SAMD12: variants seen among roughly 807,000 people sequenced by gnomAD.
SAMD12 encodes sterile alpha motif domain containing 12.
SAMD12 carries 9 observed loss-of-function variants against 15.0 expected under a neutral mutation model. The ratio of observed to expected loss-of-function variants is 0.60; its 90% CI spans 0.36 to 1.05. SAMD12 has a LOEUF of 1.05. Among genes scored for constraint, SAMD12 ranks in the 50% least tolerant of loss-of-function variants. The pLI, the probability that SAMD12 is intolerant of heterozygous loss-of-function variation, is 0.01. For missense variants in SAMD12, 230 were observed against 234.2 expected (o/e 0.98, Z 0.12); for synonymous variants, 86 against 90.1 (o/e 0.96, Z 0.25).
chr8:118,464,722 C>A (rs373434387), intron 2 of SAMD12, among the ~76,000 whole-genome samples: 1 of 148,054 alleles, frequency 6.8e-6, no homozygotes, highest in African/African-American at 2.5e-5. Flanking sequence ...AAATTCAACT[C>A]TTTTTTTTTT....
chr8:118,492,816 T>C (rs1345653197), intron 2 of SAMD12, among the ~76,000 whole-genome samples: 1 of 152,196 alleles, frequency 6.6e-6, no homozygotes, highest in African/African-American at 2.4e-5. Context: ...ATAAACCATA[T>C]ATGAAAGCTA....
At chr8:118,436,375 C>T (rs574882506) in intron 3 of SAMD12, among the ~76,000 whole-genome samples, 1 of 152,282 alleles carries the variant, frequency 6.6e-6, no homozygotes, top group Admixed American at 6.5e-5. Context: ...GTTTTTATTA[C>T]ATGTCAAAGG....
At chr8:118,214,640 T>G (rs2129834002) in intron 4 of SAMD12, among the ~76,000 whole-genome samples, 1 of 152,352 alleles carries the variant, frequency 6.6e-6, no homozygotes, top group Non-Finnish European at 1.5e-5. Flanking sequence ...TGTTAGAAAC[T>G]TAGTGTTTAA....
rs1412975427 is a variant in SAMD12 at position 118,202,437 on chromosome 8, G to A, written c.434-4705C>T. Reference sequence around the variant, plus strand: ...GGCTCCTGCTCTCTCCCAGATTAGCGCAGCCCTTAACAGACAGTTCCATGA... The same window carrying A: ...GGCTCCTGCTCTCTCCCAGATTAGCACAGCCCTTAACAGACAGTTCCATGA... On this transcript the variant is annotated intron_variant, in intron 4 of 4. Transcript: ENST00000409003. Among the ~76,000 whole-genome samples the A allele has an allele frequency of 7.2e-5, 11 of 152,088 alleles. No homozygotes were observed. In the East Asian group the frequency reaches 2.1e-3, roughly 29 times the overall value.
chr8:118,157,307 T>A, the SAMD12 span, among the ~76,000 whole-genome samples: 1 of 152,080 alleles, frequency 6.6e-6, no homozygotes. Flanking sequence ...GGTAACTTAA[T>A]CTCTCCAAGC....
intron 4 of SAMD12, among the ~76,000 whole-genome samples, chr8:118,204,884 G>T (rs17507334): frequency 4.1e-4 from 63 of 152,298 alleles, no homozygotes; most frequent in African/African-American, 1.4e-3. Context: ...TCCCATTATC[G>T]TTAGTAAACT....
chr8:118,259,315 A>G (rs1478032362), intron 4 of SAMD12, among the ~76,000 whole-genome samples: 1 of 152,120 alleles, frequency 6.6e-6, no homozygotes, highest in African/African-American at 2.4e-5. Context: ...TGCTTAATGC[A>G]GTGGTTTGAC....
intron 2 of SAMD12, among the ~76,000 whole-genome samples, chr8:118,567,460 A>G (rs570723363): frequency 1.6e-4 from 25 of 152,284 alleles, no homozygotes; most frequent in Non-Finnish European, 2.5e-4. Flanking sequence ...TCAGTACAAC[A>G]TGAGAAAAGG....
chr8:118,449,523 G>A (rs1823012134), intron 2 of SAMD12, among the ~76,000 whole-genome samples: 1 of 151,260 alleles, frequency 6.6e-6, no homozygotes, highest in Non-Finnish European at 1.5e-5. Flanking sequence ...ACAAAAGTGA[G>A]AAAATAGGCC....
intron 3 of SAMD12, among the ~76,000 whole-genome samples, chr8:118,414,688 T>C (rs1000561871): frequency 6.6e-6 from 1 of 152,198 alleles, no homozygotes; most frequent in African/African-American, 2.4e-5. Context: ...ATCCCTTTCA[T>C]ATTAGTCATA....
chr8:118,178,152 C>A, the SAMD12 span, among the ~76,000 whole-genome samples: 2 of 152,196 alleles, frequency 1.3e-5, no homozygotes, highest in Non-Finnish European at 2.9e-5. Flanking sequence ...GAAAATAAAA[C>A]ACTAAATGTT....
chr8:118,619,512 A>G (rs1828338149), intron 1 of SAMD12, among the ~76,000 whole-genome samples: 1 of 151,678 alleles, frequency 6.6e-6, no homozygotes, highest in South Asian at 2.1e-4. Context: ...CCATCCTCAA[A>G]TCTGTCAGAA....
intron 1 of SAMD12, among the ~76,000 whole-genome samples, chr8:118,585,618 T>C (rs1232982863): frequency 1.3e-5 from 2 of 152,234 alleles, no homozygotes; most frequent in African/African-American, 4.8e-5. Context: ...TAGAATGTTA[T>C]TTTATTTTTT....
intron 2 of SAMD12, among the ~76,000 whole-genome samples, chr8:118,568,525 G>A (rs1313301648): frequency 6.6e-6 from 1 of 152,112 alleles, no homozygotes; most frequent in Non-Finnish European, 1.5e-5. Context: ...TGAATTGAGG[G>A]TCATGTTTTA....
the SAMD12 span, among the ~76,000 whole-genome samples, chr8:118,142,169 C>CT: frequency 6.6e-6 from 1 of 152,170 alleles, no homozygotes; most frequent in Non-Finnish European, 1.5e-5. Flanking sequence ...CTCCCAGGTC[C>CT]TTGAACCTCT....
intron 3 of SAMD12, among the ~76,000 whole-genome samples, chr8:118,432,795 C>T (rs1472879074): frequency 6.6e-6 from 1 of 152,016 alleles, no homozygotes; most frequent in African/African-American, 2.4e-5. Context: ...GTTCAGTGGG[C>T]CTTCAGCTTA....
chr8:118,329,046 A>C (rs1816690441), intron 4 of SAMD12, among the ~76,000 whole-genome samples: 1 of 152,210 alleles, frequency 6.6e-6, no homozygotes, highest in Non-Finnish European at 1.5e-5. Flanking sequence ...GAATTGAGGA[A>C]AAACATGTAC....
intron 4 of SAMD12, among the ~76,000 whole-genome samples, chr8:118,357,953 G>A (rs1297116213): frequency 6.6e-6 from 1 of 152,070 alleles, no homozygotes; most frequent in Non-Finnish European, 1.5e-5. Flanking sequence ...AGACCAGTGT[G>A]GGCAATGTAG....
chr8:118,308,346 T>G (rs994495859), intron 4 of SAMD12, among the ~76,000 whole-genome samples: 11 of 152,320 alleles, frequency 7.2e-5, no homozygotes, highest in Admixed American at 6.5e-4. Context: ...ACCAAGACAC[T>G]TACTGTATGA....
Sources: gnomAD v4.1 joint callset for allele counts (sites outside exome capture counted in the v4.1 genomes callset) on GRCh38, gnomAD v4.1.1 for gene constraint, MANE v1.5 for transcripts, NCBI Gene and HGNC (gene_info 2026-07-23, HGNC 2026-07-21) for gene names.